The following FOXM1 variants were observed in gnomAD, a reference collection of about 807,000 sequenced individuals.
FOXM1 encodes the protein forkhead box M1, also known as forkhead box protein M1.
A neutral mutation model predicts 63.6 loss-of-function variants in FOXM1; 25 were observed. The observed-to-expected ratio is 0.39, with a 90% CI of 0.29 to 0.55. The LOEUF (loss-of-function observed/expected upper bound fraction) is 0.55. Ranked by LOEUF, FOXM1 falls within the 20% of genes least tolerant of loss-of-function variation. FOXM1 has a pLI of 0.60. For synonymous variants in FOXM1, 387 were observed against 376.9 expected (o/e 1.03, Z -0.31); for missense variants, 879 against 958.7 (o/e 0.92, Z 1.10).
intron 3 of FOXM1, among the ~76,000 whole-genome samples, chr12:2,869,812 T>TA (rs1420239124): frequency 6.6e-6 from 1 of 151,246 alleles, no homozygotes; most frequent in African/African-American, 2.4e-5. Flanking sequence ...GCCTAGAACT[T>TA]ACGGGCTCAA....
intron 8 of FOXM1, among the ~76,000 whole-genome samples, chr12:2,862,708 A>ATTT (rs71057842): frequency 1.1e-3 from 159 of 147,284 alleles, no homozygotes; most frequent in African/African-American, 2.4e-3. Flanking sequence ...TTAAAAAAAA[A>ATTT]TTTTTTTTTT....
In FOXM1 at chr12:2,866,536, A is replaced by G; in HGVS notation, c.847-15T>C. The G allele has an allele frequency of 1.3e-6, 2 of 1,510,210 alleles. No individual in the cohort carries two copies. The highest frequency in any genetic ancestry group is 1.8e-4 in the Middle Eastern group (1 of 5,658). The allele number at this position is 1,510,210 out of a possible 1,614,324, so 93.6% of individuals were successfully genotyped here. A position where few individuals can be genotyped will look rare whatever the true frequency, so the allele number is the denominator to read the frequency against. On this transcript the variant is annotated splice_polypyrimidine_tract_variant and intron_variant, in intron 4 of 8. Transcript: ENST00000359843. ...CGGATGGAGTTCTGGAAGAAGAGCA[A>G]GACAACTGGTTATCAGCTACTTTAG...
chr12:2,863,405 T>C (rs1323258652), intron 8 of FOXM1, among the ~76,000 whole-genome samples: 1 of 152,194 alleles, frequency 6.6e-6, no homozygotes, highest in Non-Finnish European at 1.5e-5. Flanking sequence ...TTCTTTTCTT[T>C]TTTGAGACAG....
At chr12:2,871,024 AACACTAGAC>A (rs983140132) in intron 3 of FOXM1, among the ~76,000 whole-genome samples, 1 of 150,842 alleles carries the variant, frequency 6.6e-6, no homozygotes, top group African/African-American at 2.4e-5. Context: ...TGAAGAAGGG[AACACTAGAC>A]ACCAGGGCCT....
rs1316010738 is a variant in FOXM1 at position 2,858,157 on chromosome 12, C to A, written c.*481G>T. ...AGAAACCGTGCACTGCAGGTCTTCC[C>A]TTCTATCAAAACTAAAAGCAAGGAA... On this transcript the variant is annotated 3_prime_UTR_variant, in exon 9 of 9. Coordinates refer to ENST00000359843, the MANE Select transcript of FOXM1 (RefSeq NM_021953.4). The A allele has an allele frequency of 6.4e-6, 1 of 155,060 alleles. No homozygotes were observed. Among genetic ancestry groups the A allele is most frequent in the East Asian group, 1.9e-4 (1 of 5,242 alleles). 9.6% of individuals were successfully genotyped at this position (155,060 alleles called of 1,614,324 possible). A position where few individuals can be genotyped will look rare whatever the true frequency, so the allele number is the denominator to read the frequency against.
Position 2,858,933 on chromosome 12 carries a change from C to T in FOXM1, c.1997G>A (p.Ser666Asn), listed in dbSNP as rs568377566. Residue 666 changes from serine to asparagine, a missense_variant, in exon 9 of 9, where the codon AGT (serine) becomes AAT (asparagine). Physicochemically the swap from Ser to Asn is conservative, Grantham distance 46. This residue lies in a region of FOXM1 where 486 missense variants were observed against 453.5 expected (regional missense o/e 1.07). Transcript: ENST00000359843. The part of the protein sequence containing the change: ...LMDLSTTPLQ[S>N]APPLESPQRL... ...TTGCGGTGATTCAAGGGGGGGAGCA[C>T]TTTGCAAGGGAGTGGTGCTGAGATC... 1 of 1,613,706 alleles carries T rather than the reference C, an allele frequency of 6.2e-7. No individual in the cohort carries two copies. Among genetic ancestry groups the T allele is most frequent in the Non-Finnish European group, 8.5e-7 (1 of 1,179,966 alleles).
Position 2,874,280 on chromosome 12 carries a change from G to T in FOXM1, c.199C>A (p.His67Asn), listed in dbSNP as rs760513381. 10 of 1,614,130 alleles carry T rather than the reference G, an allele frequency of 6.2e-6. No individual in the cohort carries two copies. Among genetic ancestry groups the T allele is most frequent in the Non-Finnish European group, 7.6e-6 (9 of 1,180,036 alleles). The change falls in exon 2 of 9, where the codon CAC becomes AAC. Residue 67 changes from histidine to asparagine, a missense_variant. This residue lies in a region of FOXM1 where 255 missense variants were observed against 292.4 expected (regional missense o/e 0.87). Coordinates refer to ENST00000359843, the MANE Select transcript of FOXM1 (RefSeq NM_021953.4). This position sits in a 1 kb window ranked among gnomAD's most constrained non-coding sequence, Gnocchi z 4.3. ...KFPAGIKIINHPTMPNTQVVA... is the reference protein window; with the variant it reads ...KFPAGIKIINNPTMPNTQVVA... ...ACTTGCGTGTTGGGCATGGTGGGGT[G>T]GTTAATAATCTTGATCCCAGCTGGA...
chr12:2,862,770 G>GTTTTTTCC (rs1350139852), intron 8 of FOXM1, among the ~76,000 whole-genome samples: 2 of 150,966 alleles, frequency 1.3e-5, no homozygotes, highest in Non-Finnish European at 2.9e-5. Flanking sequence ...TTGAACTCCT[G>GTTTTTTCC]GCCTCAAGTG....
chr12:2,866,646 C>A (rs1196672903), intron 4 of FOXM1, 125 bp from the exon 5 acceptor site: 2 of 973,252 alleles, frequency 2.1e-6, no homozygotes, highest in Admixed American at 7.1e-5. Context: ...CGTCTGGTGT[C>A]TTTGCAGCCC....
intron 1 of FOXM1, among the ~76,000 whole-genome samples, chr12:2,875,761 A>ATTTTTTTTTT (rs568267379): frequency 1.5e-5 from 2 of 133,380 alleles, no homozygotes; most frequent in African/African-American, 5.7e-5. Context: ...ATTTTTTTTA[A>ATTTTTTTTTT]TTTTTTTTTT....
chr12:2,874,114 C>T lies in FOXM1; in HGVS notation c.365G>A (p.Arg122Gln), dbSNP rs145192590. ...ATCATAGCTGGTTTGGGTTTGAGGCCGGAGTCCTGGAGGCTGAGTTGGGGC... is the reference window on the plus strand; with the variant it reads ...ATCATAGCTGGTTTGGGTTTGAGGCTGGAGTCCTGGAGGCTGAGTTGGGGC... ...GGAPTQPPGL[R>Q]PQTQTSYDAK... Residue 122 changes from arginine to glutamine, a missense_variant, in exon 2 of 9, where the codon CGG (arginine) becomes CAG (glutamine). Arg to Gln is a conservative substitution (Grantham distance 43, BLOSUM62 1). This residue lies in a region of FOXM1 where 255 missense variants were observed against 292.4 expected (regional missense o/e 0.87). Transcript: ENST00000359843. This position sits in a 1 kb window ranked among gnomAD's most constrained non-coding sequence, Gnocchi z 4.3. 167 of 1,614,096 alleles carry T rather than the reference C, an allele frequency of 1.0e-4. No individual in the cohort carries two copies. In the African/African-American group the frequency reaches 1.6e-3, roughly 15 times the overall value.
Position 2,859,301 on chromosome 12 carries a change from C to A in FOXM1, c.1629G>T (p.Arg543=), listed in dbSNP as rs767559652. Reference sequence around the variant, plus strand: ...GCAGTAGATGCTGTTTTCTCCGAGACCGGCTCCTCTCCCTCCTCTCCCTGT... The same window carrying A: ...GCAGTAGATGCTGTTTTCTCCGAGAACGGCTCCTCTCCCTCCTCTCCCTGT... ...IQHRERRERS[R]SRRKQHLLPP... Residue 543 remains arginine (R), a synonymous_variant, in exon 9 of 9, where the codon CGG becomes CGT. Coordinates refer to ENST00000359843, the MANE Select transcript of FOXM1 (RefSeq NM_021953.4). The A allele has an allele frequency of 6.8e-6, 11 of 1,613,444 alleles. No homozygotes were observed. Among genetic ancestry groups the A allele is most frequent in the Non-Finnish European group, 9.3e-6 (11 of 1,179,954 alleles).
At position 2,874,782 on chromosome 12, in the gene FOXM1, T is replaced by G. The variant is rs2098139234; in HGVS notation, c.-47-257A>C. On this transcript the variant is annotated intron_variant, in intron 1 of 8. Transcript: ENST00000359843. The surrounding 1 kb of genome is among the most constrained non-coding windows in gnomAD (Gnocchi z 4.3). ...GTTGGAGATAAGACAAAGATCTCCT[T>G]GAAGCTTCAGAATATTTGGCTACAG... 6.6e-6 allele frequency among the ~76,000 whole-genome samples: 1 copy of G among 152,154 alleles called. No homozygotes were observed. Among genetic ancestry groups the G allele is most frequent in the Non-Finnish European group, 1.5e-5 (1 of 68,032 alleles).
At position 2,877,086 on chromosome 12, in the gene FOXM1, AG is replaced by A. The variant is rs1454265408; in HGVS notation, c.-215del. 1.4e-5 allele frequency: 2 copies of A among 147,534 alleles called. No individual in the cohort carries two copies. The allele number at this position is 147,534 out of a possible 1,614,324, so 9.1% of individuals were successfully genotyped here. ...GAACCCCGGGGGATCCCGGGAGGGG[AG>A]GGGGTCCCGGGCCGGGGCCGGGGGT... On this transcript the variant is annotated 5_prime_UTR_variant, in exon 1 of 9. Transcript: ENST00000359843.
chr12:2,858,660 T>C lies in FOXM1; in HGVS notation c.2270A>G (p.Gln757Arg). The change falls in exon 9 of 9, where the codon CAG (glutamine) becomes CGG (arginine). Residue 757 changes from glutamine to arginine, a missense_variant. Transcript: ENST00000359843. ...PLGPDNINWSQFIPELQ is the reference protein window; with the variant it reads ...PLGPDNINWSRFIPELQ The stretch of plus-strand genomic sequence containing the variant: ...GCTCTACTGTAGCTCAGGAATAAAC[T>C]GGGACCAGTTGATGTTGTCAGGGCC... 6.2e-7 allele frequency: 1 copy of C among 1,614,036 alleles called. No individual in the cohort carries two copies. Among genetic ancestry groups the C allele is most frequent in the Non-Finnish European group, 8.5e-7 (1 of 1,179,970 alleles).
rs933911595 is a variant in FOXM1, at chr12:2,874,556, G to C, written c.-47-31C>G. ...AAATGCAAATAGTGGCAAGATGTTA[G>C]AGATTGTTTAGGCTGAGAAGAGGTC... On this transcript the variant is annotated intron_variant, in intron 1 of 8. Transcript: ENST00000359843. This position sits in a 1 kb window ranked among gnomAD's most constrained non-coding sequence, Gnocchi z 4.3. The C allele has an allele frequency of 6.9e-6, 10 of 1,454,380 alleles. No homozygotes were observed. The highest frequency in any genetic ancestry group is 1.8e-4 in the Middle Eastern group (1 of 5,560). The allele number at this position is 1,454,380 out of a possible 1,614,324, so 90.1% of individuals were successfully genotyped here. A position where few individuals can be genotyped will look rare whatever the true frequency, so the allele number is the denominator to read the frequency against.
At chr12:2,866,819 G>T (rs2098124027) in intron 4 of FOXM1, among the ~76,000 whole-genome samples, 1 of 152,236 alleles carries the variant, frequency 6.6e-6, no homozygotes, top group African/African-American at 2.4e-5. Flanking sequence ...CTGTGAGGTA[G>T]TGATCAATAG....
Position 2,859,078 on chromosome 12 carries a change from GGA to G in FOXM1, c.1850_1851del (p.Leu617ProfsTer5). 1 of 1,608,018 alleles carries G rather than the reference GGA, an allele frequency of 6.2e-7. No homozygotes were observed. On this transcript the variant is annotated frameshift_variant, in exon 9 of 9. Transcript: ENST00000359843. LOFTEE classifies it high-confidence loss of function. Reference protein sequence around the residue: ...PISSTPSKSVLPRTPESWRLT... With the variant: ...PISSTPSKSVXPRTPESWRLT... The stretch of plus-strand genomic sequence containing the variant: ...AGCCTCCAGGATTCAGGGGTTCTGG[GGA>G]GGACAGATTTGCTCGGGGTGGAGGA...
rs140519202 is a variant in FOXM1 at position 2,858,748 on chromosome 12, T to G, written c.2182A>C (p.Asn728His). The change falls in exon 9 of 9, where the codon AAT becomes CAT. Residue 728 changes from asparagine (N) to histidine (H), a missense_variant. This residue lies in a region of FOXM1 where 486 missense variants were observed against 453.5 expected (regional missense o/e 1.07). Coordinates refer to ENST00000359843, the MANE Select transcript of FOXM1 (RefSeq NM_021953.4). ...LTEGLVLDTMNDSLSKILLDI... is the reference protein window; with the variant it reads ...LTEGLVLDTMHDSLSKILLDI... ...AGCAGGATCTTGCTGAGGCTGTCATTCATTGTGTCCAGGACCAGGCCTTCT... is the reference window on the plus strand; with the variant it reads ...AGCAGGATCTTGCTGAGGCTGTCATGCATTGTGTCCAGGACCAGGCCTTCT... 5 of 1,614,190 alleles carry G rather than the reference T, an allele frequency of 3.1e-6. No individual in the cohort carries two copies. The highest frequency in any genetic ancestry group is 4.2e-6 in the Non-Finnish European group (5 of 1,180,032).
Sources: gnomAD v4.1 joint callset for allele counts (sites outside exome capture counted in the v4.1 genomes callset) on GRCh38, gnomAD v4.1.1 for gene constraint, gnomAD v4.1.1 regional missense constraint, Gnocchi (gnomAD v3.1) non-coding constraint, MANE v1.5 for transcripts, NCBI Gene and HGNC (gene_info 2026-07-23, HGNC 2026-07-21) for gene names.